FIG4: variants seen among roughly 807,000 people sequenced by gnomAD.
FIG4 encodes the protein polyphosphoinositide phosphatase.
In FIG4, 112 loss-of-function variants were observed where a neutral mutation model predicts 118.6. The observed-to-expected ratio is 0.94, with a 90% CI of 0.81 to 1.11. The LOEUF is 1.11. FIG4 is among the 50% of genes least tolerant of loss of function. The pLI is 0.00. For synonymous variants in FIG4, 369 were observed against 381.2 expected (o/e 0.97, Z 0.37); for missense variants, 969 against 1,111.7 (o/e 0.87, Z 1.83).
At chr6:109,786,513 A>G in intron 18 of FIG4, 64 bp downstream of exon 18, 5 of 1,569,828 alleles carry the variant, frequency 3.2e-6, no homozygotes, top group Admixed American at 1.7e-5. Context: ...GTTTGTATAT[A>G]TATGTCTGTC....
chr6:109,695,361 G>A (rs1047944737), intron 1 of FIG4, among the ~76,000 whole-genome samples: 2 of 152,154 alleles, frequency 1.3e-5, no homozygotes, highest in African/African-American at 2.4e-5. Context: ...GGAACTGTAA[G>A]GCAGATGCCT....
chr6:109,781,199 C>T (rs547183826), intron 16 of FIG4, among the ~76,000 whole-genome samples: 11 of 152,306 alleles, frequency 7.2e-5, no homozygotes, highest in African/African-American at 2.4e-4. Context: ...ATCTGCTTCT[C>T]TGTAATCTTA....
intron 16 of FIG4, 138 bp from the exon 17 acceptor site, chr6:109,784,832 A>G (rs1247399418): frequency 2.0e-6 from 1 of 509,540 alleles, no homozygotes; most frequent in East Asian, 3.0e-5. Flanking sequence ...AGCTTTGCAA[A>G]CATGTTTTAA....
At chr6:109,765,314 A>G (rs770288221) in intron 14 of FIG4, among the ~76,000 whole-genome samples, 153 bp downstream of exon 14, 3 of 151,972 alleles carry the variant, frequency 2.0e-5, no homozygotes, top group Non-Finnish European at 4.4e-5. Flanking sequence ...TTTTTCTTAT[A>G]TTTTCTTCTA....
intron 16 of FIG4, among the ~76,000 whole-genome samples, chr6:109,780,239 T>G (rs893684732): frequency 3.3e-5 from 5 of 152,200 alleles, no homozygotes; most frequent in African/African-American, 1.2e-4. Context: ...TGAGTCAGAG[T>G]CTGGCTCTGT....
intron 15 of FIG4, among the ~76,000 whole-genome samples, chr6:109,769,545 A>G (rs1453857085): frequency 2.0e-5 from 3 of 152,142 alleles, no homozygotes; most frequent in African/African-American, 7.2e-5. Flanking sequence ...TAAACCACTC[A>G]AGACAACTTT....
intron 22 of FIG4, among the ~76,000 whole-genome samples, chr6:109,803,699 A>T (rs1247081529): frequency 6.6e-6 from 1 of 151,776 alleles, no homozygotes; most frequent in East Asian, 1.9e-4. Context: ...TACATGTGCC[A>T]TGTTGGTGTG....
Position 109,760,253 on chromosome 6 carries a change from C to G in FIG4, c.1141C>G (p.Arg381Gly). 6.2e-7 allele frequency: 1 copy of G among 1,612,804 alleles called. No homozygotes were observed. The highest frequency in any genetic ancestry group is 8.5e-7 in the Non-Finnish European group (1 of 1,178,960). ...AAATGTTTAATTTTTGATAAAGGAA[C>G]GAGAGAAAAGAAAGCATGAAAGAAT... ...PIIILNLVKE[R>G]EKRKHERILS... Residue 381 changes from arginine to glycine, a missense_variant, in exon 11 of 23, where the codon CGA (arginine) becomes GGA (glycine). Physicochemically the swap from Arg to Gly is moderately radical, Grantham distance 125. Around this residue, in one of 3 missense-constraint regions of FIG4, gnomAD observed 246 missense variants for 354.3 expected, o/e 0.69. Coordinates refer to ENST00000230124, the MANE Select transcript of FIG4 (RefSeq NM_014845.6).
chr6:109,706,730 A>C (rs781667945), intron 1 of FIG4, among the ~76,000 whole-genome samples: 20 of 152,194 alleles, frequency 1.3e-4, no homozygotes, highest in Non-Finnish European at 2.2e-4. Context: ...TTGTGAACGA[A>C]CATTTTCTCG....
At chr6:109,796,684 C>T in intron 21 of FIG4, 81 bp from the exon 22 acceptor site, 1 of 847,460 alleles carries the variant, frequency 1.2e-6, no homozygotes, top group East Asian at 2.4e-5. Context: ...AATTTGAAAG[C>T]TTACACCATT....
chr6:109,821,364 A>G (rs1433281253), intron 22 of FIG4, among the ~76,000 whole-genome samples: 1 of 152,258 alleles, frequency 6.6e-6, no homozygotes, highest in African/African-American at 2.4e-5. Flanking sequence ...AATTTTGCAC[A>G]ATAAGCAACA....
At chr6:109,720,912 G>A (rs1287927823) in intron 3 of FIG4, among the ~76,000 whole-genome samples, 2 of 152,130 alleles carry the variant, frequency 1.3e-5, no homozygotes, top group African/African-American at 4.8e-5. Flanking sequence ...CCACTGGATG[G>A]GATCGTGAGC....
intron 11 of FIG4, among the ~76,000 whole-genome samples, chr6:109,761,670 A>G (rs1256379919): frequency 1.3e-5 from 2 of 152,226 alleles, no homozygotes; most frequent in Non-Finnish European, 2.9e-5. Flanking sequence ...TACAGGCGTG[A>G]GCCACTGCAC....
In FIG4 at chr6:109,796,759, T is replaced by G. The variant is rs1446084421; in HGVS notation, c.2460-6T>G. On this transcript the variant is annotated splice_region_variant and splice_polypyrimidine_tract_variant and intron_variant, in intron 21 of 22. Transcript: ENST00000230124. The stretch of plus-strand genomic sequence containing the variant: ...TTAGCTGACTCTTATCCATTGTAAT[T>G]TGTAGATTTGTTCAGCTGGGGCAGA... 2 of 1,576,358 alleles carry G rather than the reference T, an allele frequency of 1.3e-6. No homozygotes were observed. Among genetic ancestry groups the G allele is most frequent in the African/African-American group, 2.7e-5 (2 of 74,184 alleles).
At chr6:109,765,389 C>T (rs911912555) in intron 14 of FIG4, among the ~76,000 whole-genome samples, 4 of 151,938 alleles carry the variant, frequency 2.6e-5, no homozygotes, top group East Asian at 1.9e-4. Context: ...TTTTTGTATA[C>T]GTTAAGAGAC....
chr6:109,743,332 G>A, intron 9 of FIG4, 60 bp downstream of exon 9: 1 of 1,516,252 alleles, frequency 6.6e-7, no homozygotes, highest in Non-Finnish European at 9.2e-7. Flanking sequence ...ATAATGAACT[G>A]TTGTCACAGA....
At chr6:109,755,320 G>T (rs953679114) in intron 10 of FIG4, among the ~76,000 whole-genome samples, 9 of 152,250 alleles carry the variant, frequency 5.9e-5, no homozygotes, top group African/African-American at 2.2e-4. Flanking sequence ...TATAATTTCT[G>T]TTCTTTTACA....
chr6:109,724,790 T>G (rs577071341), intron 3 of FIG4, among the ~76,000 whole-genome samples: 1 of 150,682 alleles, frequency 6.6e-6, no homozygotes, highest in East Asian at 1.9e-4. Context: ...TTCCTCTTCA[T>G]TTTTATAATC....
intron 22 of FIG4, among the ~76,000 whole-genome samples, chr6:109,810,314 T>C (rs1778684903): frequency 6.6e-6 from 1 of 152,016 alleles, no homozygotes. Flanking sequence ...AAAAGAGAGG[T>C]AGCATGAATC....
Sources: gnomAD v4.1 joint callset for allele counts (sites outside exome capture counted in the v4.1 genomes callset) on GRCh38, gnomAD v4.1.1 for gene constraint, gnomAD v4.1.1 regional missense constraint, MANE v1.5 for transcripts, NCBI Gene and HGNC (gene_info 2026-07-23, HGNC 2026-07-21) for gene names.